Variants in AHI1 observed in about 807,000 individuals in gnomAD.
The protein encoded by AHI1 is jouberin.
Under a neutral mutation model 149.3 loss-of-function variants are expected in AHI1, and 123 were observed. The ratio of observed to expected loss-of-function variants is 0.82; its 90% CI spans 0.71 to 0.96. The LOEUF (loss-of-function observed/expected upper bound fraction) is 0.96, where lower values mean the gene tolerates loss of function less well. Among genes scored for constraint, AHI1 ranks in the 40% least tolerant of loss-of-function variants. The probability of loss-of-function intolerance (pLI) is 0.00; values close to 1 mark genes in which losing one functional copy is unlikely to be tolerated. For synonymous variants in AHI1, 475 were observed against 459.8 expected (o/e 1.03, Z -0.42); for missense variants, 1,439 against 1,422.7 (o/e 1.01, Z -0.18).
chr6:135,321,399 T>C (rs1168444154), intron 25 of AHI1, among the ~76,000 whole-genome samples: 1 of 152,098 alleles, frequency 6.6e-6, no homozygotes, highest in Non-Finnish European at 1.5e-5. Context: ...CACATAGAAC[T>C]TTTTAGGGGA....
chr6:135,308,221 G>C (rs951979763), intron 26 of AHI1, among the ~76,000 whole-genome samples: 5 of 152,134 alleles, frequency 3.3e-5, no homozygotes, highest in Non-Finnish European at 7.4e-5. Flanking sequence ...GGATGTTACT[G>C]ATATTTAGGT....
intron 13 of AHI1, 110 bp downstream of exon 13, chr6:135,446,898 G>C (rs985974033): frequency 4.2e-6 from 5 of 1,192,142 alleles, no homozygotes; most frequent in Non-Finnish European, 5.7e-6. Flanking sequence ...TTAAAAACAA[G>C]GATAAATAGC....
At chr6:135,493,349 T>C (rs1795518294) in intron 3 of AHI1, among the ~76,000 whole-genome samples, 1 of 152,190 alleles carries the variant, frequency 6.6e-6, no homozygotes, top group Admixed American at 6.5e-5. Context: ...ACATTCATGT[T>C]CCTCTTGCAG....
chr6:135,316,810 C>G (rs1319060177), intron 26 of AHI1, among the ~76,000 whole-genome samples: 1 of 152,104 alleles, frequency 6.6e-6, no homozygotes, highest in Non-Finnish European at 1.5e-5. Flanking sequence ...AAATTCCAAT[C>G]CTGCATTTCT....
chr6:135,490,014 T>C (rs777741333), intron 5 of AHI1: 3 of 554,766 alleles, frequency 5.4e-6, no homozygotes, highest in Non-Finnish European at 3.2e-6. Context: ...GAGATAGGTA[T>C]AAAGAGGGCA....
At chr6:135,310,264 A>G (rs188468398) in intron 26 of AHI1, among the ~76,000 whole-genome samples, 68 of 73,874 alleles carry the variant, frequency 9.2e-4, no homozygotes, top group Non-Finnish European at 9.2e-5. Context: ...CTATAAAGTG[A>G]TATTTGAAAA....
intron 13 of AHI1, among the ~76,000 whole-genome samples, chr6:135,446,584 GA>G (rs1787264109): frequency 1.3e-5 from 2 of 152,332 alleles, no homozygotes; most frequent in South Asian, 4.1e-4. Context: ...AAAGACGCGA[GA>G]AAGGTGATCT....
chr6:135,493,292 C>T (rs912198668), intron 3 of AHI1, among the ~76,000 whole-genome samples: 2 of 152,234 alleles, frequency 1.3e-5, no homozygotes, highest in African/African-American at 4.8e-5. Flanking sequence ...AGCCACCACA[C>T]TGGGCCCAAG....
chr6:135,456,935 A>G (rs1238772435), intron 9 of AHI1, among the ~76,000 whole-genome samples: 1 of 152,218 alleles, frequency 6.6e-6, no homozygotes, highest in African/African-American at 2.4e-5. Flanking sequence ...TATGTCATAA[A>G]TTACATCTAC....
chr6:135,406,123 C>T (rs535620108), intron 21 of AHI1, among the ~76,000 whole-genome samples: 1 of 152,290 alleles, frequency 6.6e-6, no homozygotes, highest in East Asian at 1.9e-4. Context: ...GTTGCTGCCA[C>T]AGCAATACCT....
intron 5 of AHI1, among the ~76,000 whole-genome samples, chr6:135,485,961 C>T (rs1427707057): frequency 6.6e-6 from 1 of 152,110 alleles, no homozygotes; most frequent in Non-Finnish European, 1.5e-5. Context: ...TTATATGATC[C>T]TGGGTACATT....
chr6:135,487,357 G>C (rs1292605548), intron 5 of AHI1, among the ~76,000 whole-genome samples: 1 of 152,082 alleles, frequency 6.6e-6, no homozygotes, highest in Non-Finnish European at 1.5e-5. Flanking sequence ...AAGCTAGGAT[G>C]CTTTGCTCAA....
chr6:135,423,191 T>G (rs2127998168), intron 20 of AHI1, among the ~76,000 whole-genome samples: 1 of 152,332 alleles, frequency 6.6e-6, no homozygotes, highest in Middle Eastern at 3.4e-3. Context: ...GTAGACACAG[T>G]AAATGCTTGA....
intron 23 of AHI1, among the ~76,000 whole-genome samples, chr6:135,390,012 T>G (rs898198919): frequency 5.1e-5 from 1 of 19,572 alleles, no homozygotes; most frequent in Non-Finnish European, 7.9e-5. Flanking sequence ...TTTTTTTGTG[T>G]TTTTTTTATT....
chr6:135,466,012 T>C lies in AHI1; in HGVS notation c.551A>G (p.Glu184Gly). 2 of 1,613,964 alleles carry C rather than the reference T, an allele frequency of 1.2e-6. No homozygotes were observed. The highest frequency in any genetic ancestry group is 2.2e-5 in the East Asian group (1 of 44,888). ...ATATGCTTGCATCAATTCTTCATCC[T>C]CTTCTAAATCAGTCTCTTCTCTTCC... ...NEGREETDLE[E>G]DEELMQAYQC... is the part of the protein sequence containing the mutation. Residue 184 changes from glutamate to glycine, a missense_variant, in exon 7 of 29, where the codon GAG (glutamate) becomes GGG (glycine). Transcript: ENST00000265602.
chr6:135,495,052 T>C (rs1795779057), intron 3 of AHI1, among the ~76,000 whole-genome samples: 1 of 152,168 alleles, frequency 6.6e-6, no homozygotes, highest in Non-Finnish European at 1.5e-5. Context: ...CTTTACAGAA[T>C]TCTTCCAACT....
chr6:135,364,467 G>A (rs1286456014), intron 23 of AHI1, among the ~76,000 whole-genome samples: 2 of 150,650 alleles, frequency 1.3e-5, no homozygotes, highest in Non-Finnish European at 3.0e-5. Flanking sequence ...AGGCGGAGAC[G>A]CTCCTCACTT....
At chr6:135,289,237 T>G (rs956220150) in intron 28 of AHI1, among the ~76,000 whole-genome samples, 2 of 151,976 alleles carry the variant, frequency 1.3e-5, no homozygotes, top group African/African-American at 4.9e-5. Flanking sequence ...GGCTCACGCC[T>G]GTAATCCCAG....
Position 135,297,619 on chromosome 6 carries a change from G to C in AHI1, c.3485+2881C>G, listed in dbSNP as rs1783275062. ...TCTTTAATATCTCTCAATGCATCTA[G>C]CTCACTGCTGGGCACACTGTGAGGT... On this transcript the variant is annotated intron_variant, in intron 27 of 28. Transcript: ENST00000265602. The C allele has an allele frequency of 9.4e-6, 4 of 425,338 alleles. 1 individual carries two copies. The Admixed American group carries it at 9.9e-5, about 11-fold the overall frequency. The allele number at this position is 425,338 out of a possible 1,614,324, so 26.3% of individuals were successfully genotyped here.
Sources: allele counts gnomAD v4.1 joint callset (sites outside exome capture counted in the v4.1 genomes callset), GRCh38; gene constraint gnomAD v4.1.1; transcripts MANE v1.5; gene names NCBI Gene and HGNC (gene_info 2026-07-23, HGNC 2026-07-21).